NBAS: variants seen among roughly 807,000 people sequenced by gnomAD.
The protein encoded by NBAS is NAG/BC035112 fusion.
NBAS carries 219 observed loss-of-function variants against 302.5 expected under a neutral mutation model. The ratio of observed to expected loss-of-function variants is 0.72; its 90% confidence interval spans 0.65 to 0.81. The LOEUF (loss-of-function observed/expected upper bound fraction) is 0.81. Among genes scored for constraint, NBAS ranks in the 30% least tolerant of loss-of-function variants. The pLI is 0.00. For missense variants in NBAS, 2,932 were observed against 2,841.6 expected, an observed-to-expected ratio of 1.03 and a Z score of -0.72; for synonymous variants, 1,118 against 1,021.6, an observed-to-expected ratio of 1.09 and a Z score of -1.80.
the NBAS span, among the ~76,000 whole-genome samples, chr2:15,085,937 G>A: frequency 5.3e-5 from 8 of 152,100 alleles, no homozygotes; most frequent in African/African-American, 1.2e-4. Flanking sequence ...GCCTGCAGGC[G>A]CCCATGGCAT....
At chr2:15,396,525 T>C in intron 26 of NBAS, 50 bp from the exon 27 acceptor site, 1 of 1,286,708 alleles carries the variant, frequency 7.8e-7, no homozygotes, top group South Asian at 1.5e-5. Context: ...TAGTATTAGC[T>C]TTTTAAATAA....
chr2:15,403,026 AAAAT>A (rs1343971495), intron 25 of NBAS, among the ~76,000 whole-genome samples: 2 of 152,236 alleles, frequency 1.3e-5, no homozygotes, highest in Non-Finnish European at 2.9e-5. Flanking sequence ...TATAGAATGA[AAAAT>A]AAATACAGCA....
chr2:15,539,143 C>G lies in NBAS; in HGVS notation c.513+80G>C, dbSNP rs754143311. 209 of 1,565,398 alleles carry G rather than the reference C, an allele frequency of 1.3e-4. 1 individual carries two copies. The highest frequency in any genetic ancestry group is 1.6e-4 in the Non-Finnish European group (182 of 1,137,930). On this transcript the variant is annotated intron_variant, in intron 7 of 51. Coordinates refer to ENST00000281513, the MANE Select transcript of NBAS (RefSeq NM_015909.4). ...CTGATTTATATTTGTATTATCCCCC[C>G]CTTCACACTCTTTTATTCAAGTACC... is the stretch of plus-strand genomic sequence containing the variant.
chr2:15,424,551 A>C, intron 22 of NBAS, 83 bp from the exon 23 acceptor site: 1 of 1,486,808 alleles, frequency 6.7e-7, no homozygotes, highest in Non-Finnish European at 9.4e-7. Context: ...ACAGGGACAG[A>C]GATGGGGAGA....
chr2:14,887,803 A>G, the NBAS span, among the ~76,000 whole-genome samples: 57 of 152,000 alleles, frequency 3.8e-4, no homozygotes, highest in Non-Finnish European at 7.5e-4. Context: ...CAAACTTCTT[A>G]TCTGCTATTA....
the NBAS span, among the ~76,000 whole-genome samples, chr2:15,123,525 G>A: frequency 3.6e-4 from 55 of 152,296 alleles, no homozygotes; most frequent in African/African-American, 1.2e-3. Context: ...GGCCCTACGG[G>A]GAGGTGTTTG....
Position 15,309,887 on chromosome 2 carries a change from C to T in NBAS, c.4583-640G>A, listed in dbSNP as rs1299105464. Reference sequence around the variant, plus strand: ...AACATAAGAGTATGCATTGTCAATACGGTCTGTGTTTGTACACAGCTTGTT... The same window carrying T: ...AACATAAGAGTATGCATTGTCAATATGGTCTGTGTTTGTACACAGCTTGTT... On this transcript the variant is annotated intron_variant, in intron 38 of 51. Transcript: ENST00000281513. Among the ~76,000 whole-genome samples, 5 of 152,252 alleles carry T rather than the reference C, an allele frequency of 3.3e-5. No individual in the cohort carries two copies. The South Asian group carries it at 1.0e-3, about 32-fold the overall frequency.
At chr2:15,383,390 A>G in intron 28 of NBAS, 73 bp from the exon 29 acceptor site, 1 of 1,463,032 alleles carries the variant, frequency 6.8e-7, no homozygotes, top group African/African-American at 1.4e-5. Flanking sequence ...AAATGATCTA[A>G]AGTTAAAAAA....
chr2:15,541,279 G>C (rs559027517), intron 6 of NBAS, among the ~76,000 whole-genome samples: 3 of 152,130 alleles, frequency 2.0e-5, no homozygotes, highest in African/African-American at 7.2e-5. Flanking sequence ...CTATTCCCAG[G>C]ACCTGGAATT....
chr2:15,540,967 G>A (rs540606143), intron 6 of NBAS, among the ~76,000 whole-genome samples: 7 of 151,856 alleles, frequency 4.6e-5, no homozygotes, highest in African/African-American at 7.2e-5. Flanking sequence ...CAAGTAATCC[G>A]CCCGCCTCAG....
chr2:15,528,994 A>G (rs370502253), intron 9 of NBAS, among the ~76,000 whole-genome samples: 1 of 151,204 alleles, frequency 6.6e-6, no homozygotes, highest in Non-Finnish European at 1.5e-5. Context: ...ATCTCCCCCA[A>G]CCGCTAACAT....
At chr2:15,247,367 A>G (rs1558471878) in intron 44 of NBAS, among the ~76,000 whole-genome samples, 1 of 152,196 alleles carries the variant, frequency 6.6e-6, no homozygotes, top group African/African-American at 2.4e-5. Context: ...TAATGGCTGG[A>G]TCAAACTTAT....
At chr2:14,844,132 C>T in the NBAS span, among the ~76,000 whole-genome samples, 2 of 151,938 alleles carry the variant, frequency 1.3e-5, no homozygotes, top group Admixed American at 1.3e-4. Flanking sequence ...CTTGTGACTA[C>T]AAAGAAGATA....
At chr2:15,437,169 G>A (rs1678064058) in intron 21 of NBAS, among the ~76,000 whole-genome samples, 1 of 151,408 alleles carries the variant, frequency 6.6e-6, no homozygotes, top group Non-Finnish European at 1.5e-5. Context: ...GCCTGTGTAT[G>A]AGCACTTATG....
At chr2:14,949,160 C>CA in the NBAS span, among the ~76,000 whole-genome samples, 1 of 152,076 alleles carries the variant, frequency 6.6e-6, no homozygotes, top group Non-Finnish European at 1.5e-5. Context: ...ATAGGGAAAA[C>CA]ACTCCAGGAC....
intron 51 of NBAS, among the ~76,000 whole-genome samples, chr2:15,176,641 ATACT>A (rs550426502): frequency 7.3e-4 from 111 of 152,364 alleles, no homozygotes; most frequent in African/African-American, 2.6e-3. Context: ...TATTTGCATT[ATACT>A]TACTTGTTGA....
chr2:14,801,310 T>C, the NBAS span, among the ~76,000 whole-genome samples: 1 of 152,116 alleles, frequency 6.6e-6, no homozygotes, highest in African/African-American at 2.4e-5. Context: ...CTTACACATA[T>C]ATTATTAGGT....
intron 41 of NBAS, among the ~76,000 whole-genome samples, chr2:15,289,529 AC>A (rs1435113101): frequency 2.6e-5 from 4 of 152,174 alleles, no homozygotes; most frequent in African/African-American, 9.7e-5. Flanking sequence ...ATTGCCTGGC[AC>A]AAGACATTTT....
chr2:15,004,982 G>A, the NBAS span, among the ~76,000 whole-genome samples: 2 of 152,226 alleles, frequency 1.3e-5, no homozygotes, highest in African/African-American at 4.8e-5. Context: ...TGCCAGGAGT[G>A]AGCTTAACAC....
Sources: allele counts gnomAD v4.1 joint callset (sites outside exome capture counted in the v4.1 genomes callset), GRCh38; gene constraint gnomAD v4.1.1; transcripts MANE v1.5; gene names NCBI Gene and HGNC (gene_info 2026-07-23, HGNC 2026-07-21).